The following UBAC2 variants were observed in gnomAD, a reference collection of about 807,000 sequenced individuals.
UBAC2 encodes the protein UBA domain containing 2, also known as ubiquitin-associated domain-containing protein 2.
Under a neutral mutation model 44.0 loss-of-function variants are expected in UBAC2, and 26 were observed. That is an observed-to-expected ratio of 0.59 (90% CI 0.43 to 0.82). The LOEUF (loss-of-function observed/expected upper bound fraction) is 0.82. Ranked by LOEUF, UBAC2 falls within the 40% of genes least tolerant of loss-of-function variation. The pLI is 0.00. For missense variants in UBAC2, 329 were observed against 419.4 expected, an observed-to-expected ratio of 0.78 and a Z score of 1.88; for synonymous variants, 155 against 154.3, an observed-to-expected ratio of 1.00 and a Z score of -0.04.
At chr13:99,293,227 A>G (rs557269225) in intron 4 of UBAC2, among the ~76,000 whole-genome samples, 29 of 152,246 alleles carry the variant, frequency 1.9e-4, no homozygotes, top group Middle Eastern at 3.2e-3. Flanking sequence ...CTGAACAGAT[A>G]AAAGAATGTT....
At chr13:99,218,206 C>G (rs1458483469) in intron 1 of UBAC2, among the ~76,000 whole-genome samples, 1 of 152,106 alleles carries the variant, frequency 6.6e-6, no homozygotes, top group Non-Finnish European at 1.5e-5. Context: ...TACATTTAAT[C>G]ATAGTGTTAA....
chr13:99,252,276 A>T (rs541827500), intron 4 of UBAC2, among the ~76,000 whole-genome samples: 142 of 152,326 alleles, frequency 9.3e-4, no homozygotes, highest in Non-Finnish European at 1.7e-3. Context: ...TATTTATTAT[A>T]TTACGTTGTC....
At chr13:99,328,048 T>C (rs1336297903) in intron 6 of UBAC2, among the ~76,000 whole-genome samples, 2 of 152,222 alleles carry the variant, frequency 1.3e-5, no homozygotes, top group Non-Finnish European at 2.9e-5. Flanking sequence ...CTGATCTTCA[T>C]GTAATTATAG....
chr13:99,213,169 A>T (rs908107676), intron 1 of UBAC2, among the ~76,000 whole-genome samples: 2 of 152,080 alleles, frequency 1.3e-5, no homozygotes, highest in Non-Finnish European at 2.9e-5. Context: ...TGTTCTTCCA[A>T]CATCTCAGAT....
intron 2 of UBAC2, among the ~76,000 whole-genome samples, 183 bp from the exon 3 acceptor site, chr13:99,243,649 G>A (rs2043347259): frequency 2.0e-5 from 3 of 152,114 alleles, no homozygotes; most frequent in Admixed American, 2.0e-4. Context: ...ACTGTTGGGA[G>A]GAATTTTTAC....
intron 4 of UBAC2, among the ~76,000 whole-genome samples, chr13:99,305,376 C>T (rs773157019): frequency 5.3e-5 from 8 of 152,204 alleles, no homozygotes; most frequent in Admixed American, 6.5e-5. Context: ...GCGTCCTCTA[C>T]ACAGGCCACG....
intron 1 of UBAC2, among the ~76,000 whole-genome samples, chr13:99,235,026 GACT>G (rs1025957186): frequency 5.9e-5 from 9 of 152,110 alleles, no homozygotes; most frequent in Non-Finnish European, 1.5e-5. Context: ...ATATGTAAAT[GACT>G]AGATCAAGGA....
At chr13:99,368,027 A>G in intron 8 of UBAC2, 121 bp downstream of exon 8, 1 of 1,228,152 alleles carries the variant, frequency 8.1e-7, no homozygotes, top group Admixed American at 2.6e-5. Context: ...ACAGCAGTCC[A>G]TCTGCCACCA....
At position 99,295,115 on chromosome 13, in the gene UBAC2, C is replaced by T. The variant is rs373742313; in HGVS notation, c.390-18982C>T. 29 of 1,613,884 alleles carry T rather than the reference C, an allele frequency of 1.8e-5. No homozygotes were observed. Among genetic ancestry groups the T allele is most frequent in the African/African-American group, 2.7e-5 (2 of 74,906 alleles). ...CATCATCTGCGTTTCTGTCATTTCA[C>T]GTGAATTTTCTTCAGGGGCTGACTT... On this transcript the variant is annotated intron_variant, in intron 4 of 8. Coordinates refer to ENST00000403766, the MANE Select transcript of UBAC2 (RefSeq NM_001144072.2). This position sits in a 1 kb window ranked among gnomAD's most constrained non-coding sequence, Gnocchi z 4.1.
chr13:99,214,700 A>G (rs973994143), intron 1 of UBAC2, among the ~76,000 whole-genome samples: 3 of 151,684 alleles, frequency 2.0e-5, no homozygotes, highest in Non-Finnish European at 4.4e-5. Context: ...CAGACCTCCA[A>G]CCCCCTCATT....
intron 8 of UBAC2, among the ~76,000 whole-genome samples, chr13:99,370,650 G>A (rs919844385): frequency 1.3e-5 from 2 of 152,188 alleles, no homozygotes; most frequent in African/African-American, 4.8e-5. Flanking sequence ...AAACTCAAAA[G>A]GTGCCCCTGG....
At chr13:99,327,661 C>G (rs941714327) in intron 6 of UBAC2, among the ~76,000 whole-genome samples, 1 of 152,098 alleles carries the variant, frequency 6.6e-6, no homozygotes, top group Non-Finnish European at 1.5e-5. Context: ...CAAAGGTCTT[C>G]CATGTTAGCT....
chr13:99,384,789 G>T (rs1035159119), intron 8 of UBAC2, among the ~76,000 whole-genome samples: 21 of 150,972 alleles, frequency 1.4e-4, no homozygotes, highest in African/African-American at 5.2e-4. Flanking sequence ...GAGCGTGGCA[G>T]TGACGCCAGG....
At chr13:99,244,417 A>G (rs2043356680) in intron 3 of UBAC2, 98 bp from the exon 4 acceptor site, 3 of 705,092 alleles carry the variant, frequency 4.3e-6, no homozygotes, top group East Asian at 3.1e-5. Flanking sequence ...ACACACATAC[A>G]TATGAATACA....
chr13:99,369,892 A>G lies in UBAC2; in HGVS notation c.927+1986A>G, dbSNP rs2045382593. On this transcript the variant is annotated intron_variant, in intron 8 of 8. Coordinates refer to ENST00000403766, the MANE Select transcript of UBAC2 (RefSeq NM_001144072.2). The stretch of plus-strand genomic sequence containing the variant: ...AACTTTGATCGTAAGGGAAAATAAG[A>G]TAAACTTAATTTGAGGGACATTCTG... 1.3e-5 allele frequency among the ~76,000 whole-genome samples: 2 copies of G among 152,356 alleles called. 1 individual carries two copies. Among genetic ancestry groups the G allele is most frequent in the East Asian group, 3.9e-4 (2 of 5,190 alleles).
At chr13:99,357,151 T>A (rs1594166081) in intron 7 of UBAC2, among the ~76,000 whole-genome samples, 1 of 152,252 alleles carries the variant, frequency 6.6e-6, no homozygotes, top group East Asian at 1.9e-4. Flanking sequence ...ACTACCATTG[T>A]GTTACAGCTG....
chr13:99,317,997 G>T (rs2044515422), intron 5 of UBAC2, 25 bp from the exon 6 acceptor site: 1 of 1,592,828 alleles, frequency 6.3e-7, no homozygotes. Flanking sequence ...TTTATTTTTA[G>T]TTGCCTTTTT....
intron 7 of UBAC2, among the ~76,000 whole-genome samples, chr13:99,353,784 G>C (rs566994504): frequency 6.6e-6 from 1 of 152,218 alleles, no homozygotes; most frequent in South Asian, 2.1e-4. Context: ...TCTTAATGAG[G>C]AACAGACCAC....
chr13:99,270,632 T>A (rs141021102), intron 4 of UBAC2, among the ~76,000 whole-genome samples: 1 of 152,308 alleles, frequency 6.6e-6, no homozygotes, highest in East Asian at 1.9e-4. Context: ...CTTAGAAACA[T>A]AGTTAGATAG....
Sources: gnomAD v4.1 joint callset for allele counts (sites outside exome capture counted in the v4.1 genomes callset) on GRCh38, gnomAD v4.1.1 for gene constraint, Gnocchi (gnomAD v3.1) non-coding constraint, MANE v1.5 for transcripts, NCBI Gene and HGNC (gene_info 2026-07-23, HGNC 2026-07-21) for gene names.